The following RALGAPA1 variants were observed in gnomAD, a reference collection of about 807,000 sequenced individuals.
RALGAPA1 encodes the protein ral GTPase-activating protein subunit alpha-1.
In RALGAPA1, 52 loss-of-function variants were observed where a neutral mutation model predicts 269.6. The ratio of observed to expected loss-of-function variants is 0.19; its 90% CI spans 0.15 to 0.24. The LOEUF (loss-of-function observed/expected upper bound fraction) is 0.24, where lower values mean the gene tolerates loss of function less well. Among genes scored for constraint, RALGAPA1 ranks in the 10% least tolerant of loss-of-function variants. The pLI is 1.00. For synonymous variants in RALGAPA1, 817 were observed against 1,008.3 expected (o/e 0.81, Z 3.60); for missense variants, 1,917 against 3,013.9 (o/e 0.64, Z 8.52).
At chr14:35,634,778 AC>A (rs2061568325) in intron 32 of RALGAPA1, 21 bp from the exon 33 acceptor site, 1 of 1,544,768 alleles carries the variant, frequency 6.5e-7, no homozygotes, top group South Asian at 1.3e-5. Context: ...AGGGGGAAAC[AC>A]CCAGTTTTAC....
chr14:35,702,726 A>ATATATAT (rs55963758), intron 16 of RALGAPA1, among the ~76,000 whole-genome samples: 7 of 143,506 alleles, frequency 4.9e-5, no homozygotes, highest in African/African-American at 1.8e-4. Context: ...AAAAAAAAAA[A>ATATATAT]ATATATATAT....
At chr14:35,687,538 T>A (rs1421971720) in intron 18 of RALGAPA1, among the ~76,000 whole-genome samples, 1 of 152,216 alleles carries the variant, frequency 6.6e-6, no homozygotes, top group Non-Finnish European at 1.5e-5. Context: ...AATGGCTCAA[T>A]GCAAGATGCA....
chr14:35,627,113 C>G lies in RALGAPA1; in HGVS notation c.6834G>C (p.Leu2278Phe). Reference sequence around the variant, plus strand: ...ACCGTTTGTCCCAGGAATTCATTCCCAATATACTAAGAAGCAATCTGCAAT... The same window carrying G: ...ACCGTTTGTCCCAGGAATTCATTCCGAATATACTAAGAAGCAATCTGCAAT... ...FYYCRLLLSI[L>F]GMNSWDKRRS... The change falls in exon 34 of 42, where the codon TTG becomes TTC. Residue 2278 changes from leucine to phenylalanine, a missense_variant. Leu to Phe is a conservative substitution (Grantham distance 22). Coordinates refer to ENST00000680220, the MANE Select transcript of RALGAPA1 (RefSeq NM_001346249.2). 1.2e-5 allele frequency: 18 copies of G among 1,549,670 alleles called. No individual in the cohort carries two copies. Among genetic ancestry groups the G allele is most frequent in the Non-Finnish European group, 1.6e-5 (18 of 1,155,764 alleles).
intron 11 of RALGAPA1, among the ~76,000 whole-genome samples, chr14:35,739,857 T>C (rs1362148396): frequency 6.6e-6 from 1 of 152,178 alleles, no homozygotes; most frequent in African/African-American, 2.4e-5. Flanking sequence ...TTCTCAAGTA[T>C]GTAACTGTTC....
rs561501354 is a variant in RALGAPA1, at chr14:35,575,707, GC to G, written c.7210-2990del. ...CCTCCCAGGTTCAAGCGATTATCTT[GC>G]CTCAGCTTCCCAAGTAGCTGGGATT... On this transcript the variant is annotated intron_variant, in intron 37 of 41. Transcript: ENST00000680220. 1.2e-4 allele frequency among the ~76,000 whole-genome samples: 18 copies of G among 152,264 alleles called. No individual in the cohort carries two copies. In the East Asian group the frequency reaches 2.5e-3, roughly 21 times the overall value.
At chr14:35,698,408 A>G (rs2140568816) in intron 17 of RALGAPA1, among the ~76,000 whole-genome samples, 1 of 152,292 alleles carries the variant, frequency 6.6e-6, no homozygotes, top group East Asian at 1.9e-4. Flanking sequence ...ATTTGCCAAT[A>G]TATTAAGTTG....
At chr14:35,584,034 T>C (rs1056996254) in intron 37 of RALGAPA1, among the ~76,000 whole-genome samples, 5 of 152,156 alleles carry the variant, frequency 3.3e-5, no homozygotes, top group Non-Finnish European at 7.4e-5. Flanking sequence ...GTATGCAGAA[T>C]GAATAAGTGA....
At chr14:35,608,891 T>C (rs2059748374) in intron 35 of RALGAPA1, among the ~76,000 whole-genome samples, 1 of 152,166 alleles carries the variant, frequency 6.6e-6, no homozygotes, top group Non-Finnish European at 1.5e-5. Flanking sequence ...AAAAAATACA[T>C]TCTTCTCAAG....
chr14:35,782,480 T>C lies in RALGAPA1; in HGVS notation c.107-6735A>G, dbSNP rs375661295. ...TATCACTCTGTTGCCCAGGCAGGAGTGCAGTGGCTCAATCTCGATCTCGGC... is the reference window on the plus strand; with the variant it reads ...TATCACTCTGTTGCCCAGGCAGGAGCGCAGTGGCTCAATCTCGATCTCGGC... On this transcript the variant is annotated intron_variant, in intron 1 of 41. Transcript: ENST00000680220. 3.9e-5 allele frequency among the ~76,000 whole-genome samples: 6 copies of C among 152,120 alleles called. No individual in the cohort carries two copies. The South Asian group carries it at 1.2e-3, about 32-fold the overall frequency.
intron 21 of RALGAPA1, among the ~76,000 whole-genome samples, chr14:35,680,014 A>T (rs2065280366): frequency 1.3e-5 from 2 of 152,194 alleles, no homozygotes; most frequent in African/African-American, 4.8e-5. Context: ...TAAGTATTCT[A>T]TATCTTAGGA....
At chr14:35,724,911 T>C in intron 14 of RALGAPA1, 113 bp downstream of exon 14, 2 of 835,306 alleles carry the variant, frequency 2.4e-6, no homozygotes, top group Non-Finnish European at 3.4e-6. Flanking sequence ...AAAACTTTTT[T>C]TTCTGGTAAC....
intron 37 of RALGAPA1, among the ~76,000 whole-genome samples, chr14:35,589,791 C>T (rs1178943556): frequency 6.6e-6 from 1 of 152,066 alleles, no homozygotes; most frequent in South Asian, 2.1e-4. Flanking sequence ...GCCTCAAGCT[C>T]CTGGACTCAA....
At chr14:35,806,206 T>C (rs2077368154) in intron 1 of RALGAPA1, among the ~76,000 whole-genome samples, 1 of 152,220 alleles carries the variant, frequency 6.6e-6, no homozygotes, top group Non-Finnish European at 1.5e-5. Context: ...GCACTTTTTA[T>C]TTTTATATCA....
intron 39 of RALGAPA1, among the ~76,000 whole-genome samples, chr14:35,549,448 CAACTT>C (rs898820306): frequency 9.2e-5 from 14 of 152,152 alleles, no homozygotes; most frequent in South Asian, 4.2e-4. Flanking sequence ...GTATAAATGA[CAACTT>C]AACAGGGAGA....
Position 35,598,373 on chromosome 14 carries a change from C to A in RALGAPA1, c.7054-2584G>T, listed in dbSNP as rs2139060123. 1.3e-5 allele frequency among the ~76,000 whole-genome samples: 2 copies of A among 151,146 alleles called. 1 individual carries two copies. Among genetic ancestry groups the A allele is most frequent in the Middle Eastern group, 6.8e-3 (2 of 294 alleles). Reference sequence around the variant, plus strand: ...TTTGCACAATATAACTTTTTCTATCCTTTTACTTTCTGCCAGTCTATATTG... The same window carrying A: ...TTTGCACAATATAACTTTTTCTATCATTTTACTTTCTGCCAGTCTATATTG... On this transcript the variant is annotated intron_variant, in intron 36 of 41. Coordinates refer to ENST00000680220, the MANE Select transcript of RALGAPA1 (RefSeq NM_001346249.2).
chr14:35,741,743 C>A (rs2071573798), intron 11 of RALGAPA1, among the ~76,000 whole-genome samples: 2 of 152,232 alleles, frequency 1.3e-5, no homozygotes, highest in African/African-American at 4.8e-5. Flanking sequence ...GTTGGAGAGT[C>A]TGACCTGTGA....
In RALGAPA1 at chr14:35,548,497, C is replaced by CT. The variant is rs747601661; in HGVS notation, c.*23+10dup. On this transcript the variant is annotated intron_variant, in intron 41 of 41. Transcript: ENST00000680220. Reference sequence around the variant, plus strand: ...AGAACAGAGGGTGTTTTGGTTGACACTTTGTCTTACCTTCAGATAAACAGA... The same window carrying CT: ...AGAACAGAGGGTGTTTTGGTTGACACTTTTGTCTTACCTTCAGATAAACAGA... 6.4e-7 allele frequency: 1 copy of CT among 1,552,558 alleles called. No homozygotes were observed. The highest frequency in any genetic ancestry group is 8.7e-7 in the Non-Finnish European group (1 of 1,148,106).
intron 1 of RALGAPA1, among the ~76,000 whole-genome samples, chr14:35,803,662 C>T (rs1353615298): frequency 2.7e-5 from 4 of 148,332 alleles, no homozygotes; most frequent in East Asian, 2.0e-4. Flanking sequence ...GAGACAGTCT[C>T]ACTCTGTTAC....
In RALGAPA1 at chr14:35,748,589, C is replaced by T. The variant is rs372742287; in HGVS notation, c.1247G>A (p.Arg416His). ...SNVNFVTEIFRQAFLLPICEA... is the reference protein window; with the variant it reads ...SNVNFVTEIFHQAFLLPICEA... The stretch of plus-strand genomic sequence containing the variant: ...AAATACTGAGAGGTATGTTACCTGA[C>T]GAAATATCTCTGTCACAAAGTTTAC... The change falls in exon 10 of 42, where the codon CGT becomes CAT. Residue 416 changes from arginine (R) to histidine (H), a missense_variant. Coordinates refer to ENST00000680220, the MANE Select transcript of RALGAPA1 (RefSeq NM_001346249.2). The T allele has an allele frequency of 1.4e-4, 225 of 1,606,292 alleles. 1 individual carries two copies. The highest frequency in any genetic ancestry group is 3.3e-4 in the Middle Eastern group (2 of 6,026).
Sources: allele counts gnomAD v4.1 joint callset (sites outside exome capture counted in the v4.1 genomes callset), GRCh38; gene constraint gnomAD v4.1.1; transcripts MANE v1.5; gene names NCBI Gene and HGNC (gene_info 2026-07-23, HGNC 2026-07-21).